Variants in TAFA2 observed in about 807,000 individuals in gnomAD.
TAFA2 encodes the protein TAFA chemokine like family member 2.
In TAFA2, 7 loss-of-function variants were observed where a neutral mutation model predicts 18.8. The observed-to-expected ratio is 0.37, with a 90% CI of 0.21 to 0.70. The LOEUF (loss-of-function observed/expected upper bound fraction) is 0.70, where lower values mean the gene tolerates loss of function less well. Among genes scored for constraint, TAFA2 ranks in the 30% least tolerant of loss-of-function variants. The pLI, the probability that TAFA2 is intolerant of heterozygous loss-of-function variation, is 0.53. For missense variants in TAFA2, 122 were observed against 158.1 expected, an observed-to-expected ratio of 0.77 and a Z score of 1.23; for synonymous variants, 60 against 54.2, an observed-to-expected ratio of 1.11 and a Z score of -0.47.
intron 1 of TAFA2, among the ~76,000 whole-genome samples, chr12:62,205,374 CA>C (rs1228282965): frequency 6.6e-6 from 1 of 152,242 alleles, no homozygotes; most frequent in Non-Finnish European, 1.5e-5. Context: ...GTGCACTGCA[CA>C]GGGGGAAATC....
chr12:61,889,628 T>G (rs1304742334), intron 1 of TAFA2, among the ~76,000 whole-genome samples: 2 of 152,212 alleles, frequency 1.3e-5, no homozygotes, highest in Non-Finnish European at 2.9e-5. Context: ...AACTTTTAAA[T>G]TCATTAATAG....
intron 2 of TAFA2, among the ~76,000 whole-genome samples, chr12:61,786,133 C>T (rs1170352402): frequency 6.6e-6 from 1 of 151,540 alleles, no homozygotes; most frequent in East Asian, 1.9e-4. Context: ...TTAAAAGAAA[C>T]AGAAGCCACA....
chr12:61,895,570 C>G (rs1875805927), intron 1 of TAFA2, among the ~76,000 whole-genome samples: 1 of 152,166 alleles, frequency 6.6e-6, no homozygotes. Flanking sequence ...TTGGAGAGAA[C>G]AGTTCACAAA....
intron 1 of TAFA2, among the ~76,000 whole-genome samples, chr12:62,185,848 T>C (rs1296231428): frequency 6.6e-6 from 1 of 152,232 alleles, no homozygotes; most frequent in East Asian, 1.9e-4. Context: ...GAATATATTT[T>C]AATAAAGTCT....
intron 4 of TAFA2, among the ~76,000 whole-genome samples, chr12:61,744,287 C>T (rs1295650442): frequency 2.0e-5 from 3 of 152,170 alleles, no homozygotes; most frequent in East Asian, 1.9e-4. Context: ...ATAAGCACAA[C>T]ATTTGGAGTA....
At chr12:61,967,260 T>G (rs1484809169) in intron 1 of TAFA2, among the ~76,000 whole-genome samples, 3 of 151,814 alleles carry the variant, frequency 2.0e-5, no homozygotes, top group Non-Finnish European at 4.4e-5. Flanking sequence ...GTAAGCACTG[T>G]GCTAGGCTCA....
At chr12:61,858,480 G>C (rs1315582687) in intron 2 of TAFA2, among the ~76,000 whole-genome samples, 1 of 151,946 alleles carries the variant, frequency 6.6e-6, no homozygotes, top group African/African-American at 2.4e-5. Context: ...GGGTACATGT[G>C]TGTGGCAATT....
chr12:61,852,389 G>A (rs1047199786), intron 2 of TAFA2, among the ~76,000 whole-genome samples: 4 of 152,132 alleles, frequency 2.6e-5, no homozygotes, highest in African/African-American at 7.2e-5. Flanking sequence ...GGAACAGAGC[G>A]AGTGAGCTGT....
intron 1 of TAFA2, among the ~76,000 whole-genome samples, chr12:62,056,747 T>C (rs1018419333): frequency 1.6e-4 from 25 of 152,182 alleles, no homozygotes; most frequent in Non-Finnish European, 1.5e-4. Flanking sequence ...GTTTTGACCA[T>C]GAAAATGAAA....
intron 1 of TAFA2, among the ~76,000 whole-genome samples, chr12:62,225,077 G>C (rs2062780237): frequency 6.6e-6 from 1 of 152,012 alleles, no homozygotes; most frequent in South Asian, 2.1e-4. Flanking sequence ...CTGGGCGACA[G>C]AGTGAGACTC....
At chr12:62,147,500 C>T (rs868424508) in intron 1 of TAFA2, among the ~76,000 whole-genome samples, 3 of 150,120 alleles carry the variant, frequency 2.0e-5, no homozygotes, top group Non-Finnish European at 4.4e-5. Flanking sequence ...GAGGCTGAGG[C>T]GGGCAGATCA....
At chr12:61,792,256 G>C (rs1003883479) in intron 2 of TAFA2, among the ~76,000 whole-genome samples, 23 of 151,774 alleles carry the variant, frequency 1.5e-4, no homozygotes, top group Admixed American at 1.2e-3. Context: ...GGAAAAGGAT[G>C]AGATGGAGAG....
chr12:61,875,007 C>T (rs1874781268), intron 1 of TAFA2, among the ~76,000 whole-genome samples: 1 of 152,078 alleles, frequency 6.6e-6, no homozygotes, highest in African/African-American at 2.4e-5. Context: ...AAAGGTCCTT[C>T]TCTCAGAGCA....
intron 1 of TAFA2, among the ~76,000 whole-genome samples, chr12:61,994,245 A>G (rs1880107783): frequency 6.6e-6 from 1 of 152,100 alleles, no homozygotes; most frequent in Non-Finnish European, 1.5e-5. Flanking sequence ...CTCTGTCACC[A>G]TCATAACTTC....
chr12:62,103,711 A>G (rs1869312126), intron 1 of TAFA2, among the ~76,000 whole-genome samples: 1 of 151,838 alleles, frequency 6.6e-6, no homozygotes, highest in African/African-American at 2.4e-5. Flanking sequence ...ATTGAACTCC[A>G]GCCTGGGCAA....
chr12:62,143,777 T>TGTAATTACAAAGTGC (rs1416283930), intron 1 of TAFA2, among the ~76,000 whole-genome samples: 3 of 152,008 alleles, frequency 2.0e-5, no homozygotes, highest in African/African-American at 7.2e-5. Flanking sequence ...GTGTGGTGGC[T>TGTAATTACAAAGTGC]TATGTCTGTA....
intron 3 of TAFA2, among the ~76,000 whole-genome samples, chr12:61,753,956 T>A (rs1274683445): frequency 7.2e-5 from 11 of 152,100 alleles, no homozygotes; most frequent in Admixed American, 1.3e-4. Context: ...TATTTTATTG[T>A]AATGAGAACA....
chr12:61,863,442 C>T (rs1166312261), intron 2 of TAFA2, among the ~76,000 whole-genome samples: 1 of 152,124 alleles, frequency 6.6e-6, no homozygotes, highest in African/African-American at 2.4e-5. Context: ...CTTAGTAAAA[C>T]ATTAGGAAAG....
intron 2 of TAFA2, among the ~76,000 whole-genome samples, chr12:61,792,144 A>G (rs1871007560): frequency 6.6e-6 from 1 of 151,684 alleles, no homozygotes; most frequent in South Asian, 2.1e-4. Flanking sequence ...TCTCACTCAT[A>G]TATGGAACCT....
Sources: allele counts gnomAD v4.1 joint callset (sites outside exome capture counted in the v4.1 genomes callset), GRCh38; gene constraint gnomAD v4.1.1; transcripts MANE v1.5; gene names NCBI Gene and HGNC (gene_info 2026-07-23, HGNC 2026-07-21).